The following PPFIBP1 variants were observed in gnomAD, a reference collection of about 807,000 sequenced individuals.
PPFIBP1 encodes the protein PPFIB scaffold protein 1, also known as liprin-beta-1.
Under a neutral mutation model 137.8 loss-of-function variants are expected in PPFIBP1, and 112 were observed. That is an observed-to-expected ratio of 0.81 (90% CI 0.70 to 0.95). PPFIBP1 has a LOEUF of 0.95. Ranked by LOEUF, PPFIBP1 falls within the 40% of genes least tolerant of loss-of-function variation. PPFIBP1 has a pLI of 0.00. For missense variants in PPFIBP1, 1,083 were observed against 1,196.6 expected (o/e 0.91, Z 1.40); for synonymous variants, 378 against 417.3 (o/e 0.91, Z 1.15).
intron 1 of PPFIBP1, among the ~76,000 whole-genome samples, chr12:27,541,077 G>A (rs1945600865): frequency 6.6e-6 from 1 of 152,066 alleles, no homozygotes. Context: ...ACTTTCCTCT[G>A]TCTATACTAA....
intron 14 of PPFIBP1, among the ~76,000 whole-genome samples, chr12:27,671,765 G>T (rs572157751): frequency 7.2e-5 from 11 of 152,282 alleles, no homozygotes; most frequent in African/African-American, 2.4e-4. Context: ...GGGTTGTCAG[G>T]TTAGAAAGAG....
intron 1 of PPFIBP1, among the ~76,000 whole-genome samples, chr12:27,558,481 C>CAA (rs2048886348): frequency 8.9e-6 from 1 of 112,730 alleles, no homozygotes; most frequent in African/African-American, 3.6e-5. Context: ...CACACACACA[C>CAA]ACACACACAC....
At position 27,607,745 on chromosome 12, in the gene PPFIBP1, A is replaced by G. The variant is rs992922582; in HGVS notation, c.-35-25617A>G. ...CAAATTGTTGCGGCAAGAATGGGGA[A>G]GCGATGATTATCAGGGTGTGACCTT... On this transcript the variant is annotated intron_variant, in intron 2 of 29. Transcript: ENST00000228425. Among the ~76,000 whole-genome samples the G allele has an allele frequency of 7.1e-4, 108 of 152,286 alleles. 1 individual carries two copies. Among genetic ancestry groups the G allele is most frequent in the African/African-American group, 2.5e-3 (104 of 41,556 alleles).
At chr12:27,673,580 A>G (rs1388001900) in intron 15 of PPFIBP1, among the ~76,000 whole-genome samples, 187 bp from the exon 16 acceptor site, 1 of 152,108 alleles carries the variant, frequency 6.6e-6, no homozygotes, top group Non-Finnish European at 1.5e-5. Context: ...ACAGTTAATC[A>G]CCCCTGCTTT....
chr12:27,620,983 T>C (rs186292835), intron 2 of PPFIBP1, among the ~76,000 whole-genome samples: 1 of 152,368 alleles, frequency 6.6e-6, no homozygotes, highest in Admixed American at 6.5e-5. Flanking sequence ...TCTTTCTTTT[T>C]CTTCACTACT....
chr12:27,663,764 C>A (rs2059687191), intron 11 of PPFIBP1, among the ~76,000 whole-genome samples: 1 of 151,440 alleles, frequency 6.6e-6, no homozygotes, highest in Non-Finnish European at 1.5e-5. Flanking sequence ...GACTTGAGCC[C>A]AGGAGGTTGA....
intron 2 of PPFIBP1, among the ~76,000 whole-genome samples, chr12:27,603,324 A>T (rs185285325): frequency 3.0e-4 from 46 of 152,258 alleles, no homozygotes; most frequent in Non-Finnish European, 5.3e-4. Context: ...ATGATTATAT[A>T]TGTGGGATGT....
chr12:27,575,433 C>G (rs1332774658), intron 1 of PPFIBP1, among the ~76,000 whole-genome samples: 3 of 152,102 alleles, frequency 2.0e-5, no homozygotes, highest in African/African-American at 7.2e-5. Flanking sequence ...ACATGTTAGT[C>G]TCATGATGGT....
intron 8 of PPFIBP1, chr12:27,655,252 G>T (rs1181967414): frequency 6.8e-7 from 1 of 1,476,230 alleles, no homozygotes; most frequent in East Asian, 2.5e-5. Context: ...TAGACGTTGG[G>T]TGATGGGGTC....
At position 27,620,060 on chromosome 12, in the gene PPFIBP1, A is replaced by G. The variant is rs533051559; in HGVS notation, c.-35-13302A>G. Among the ~76,000 whole-genome samples the G allele has an allele frequency of 9.2e-5, 14 of 152,004 alleles. No homozygotes were observed. The East Asian group carries it at 2.7e-3, about 29-fold the overall frequency. On this transcript the variant is annotated intron_variant, in intron 2 of 29. Coordinates refer to ENST00000228425, the MANE Select transcript of PPFIBP1 (RefSeq NM_003622.4). ...TCCCATCACCATCTCTACTGCTCAC[A>G]CCCTGACCCGAGCCACCAATAGAAC...
intron 2 of PPFIBP1, among the ~76,000 whole-genome samples, chr12:27,583,336 T>G (rs753261415): frequency 6.6e-6 from 1 of 152,218 alleles, no homozygotes; most frequent in Non-Finnish European, 1.5e-5. Flanking sequence ...GGAAGCTAGC[T>G]TCCAATACAT....
intron 2 of PPFIBP1, among the ~76,000 whole-genome samples, chr12:27,632,606 G>A (rs1341976073): frequency 1.3e-5 from 2 of 152,204 alleles, no homozygotes; most frequent in African/African-American, 4.8e-5. Context: ...CAGAAATTAT[G>A]TATTATAGTG....
chr12:27,679,280 G>T (rs1389103674), intron 19 of PPFIBP1, among the ~76,000 whole-genome samples: 1 of 152,146 alleles, frequency 6.6e-6, no homozygotes, highest in African/African-American at 2.4e-5. Flanking sequence ...AATCTCCAAA[G>T]GGCTTGTAAT....
intron 1 of PPFIBP1, among the ~76,000 whole-genome samples, chr12:27,528,600 T>G (rs1181715172): frequency 6.6e-6 from 1 of 152,210 alleles, no homozygotes; most frequent in African/African-American, 2.4e-5. Flanking sequence ...TTTTACACCC[T>G]TCATTTTAGA....
intron 26 of PPFIBP1, 62 bp from the exon 27 acceptor site, chr12:27,688,953 C>T: frequency 6.5e-7 from 1 of 1,528,876 alleles, no homozygotes; most frequent in Non-Finnish European, 8.8e-7. Context: ...TTATAAAGCA[C>T]AATACAAACA....
chr12:27,574,406 C>T (rs1324170173), intron 1 of PPFIBP1, among the ~76,000 whole-genome samples: 1 of 152,086 alleles, frequency 6.6e-6, no homozygotes, highest in African/African-American at 2.4e-5. Context: ...TTCTGAAGGG[C>T]CTGAACTTCC....
chr12:27,541,626 C>A (rs1318601539), intron 1 of PPFIBP1, among the ~76,000 whole-genome samples: 2 of 152,186 alleles, frequency 1.3e-5, no homozygotes, highest in African/African-American at 4.8e-5. Flanking sequence ...GAGCCCACAG[C>A]CCTATTGCAG....
chr12:27,582,810 C>T (rs2051278569), intron 2 of PPFIBP1, among the ~76,000 whole-genome samples: 4 of 152,228 alleles, frequency 2.6e-5, no homozygotes, highest in Admixed American at 6.5e-5. Flanking sequence ...CTGAGAGTTT[C>T]TTGTGACTAT....
chr12:27,670,037 T>C (rs1260553222), intron 13 of PPFIBP1, among the ~76,000 whole-genome samples: 3 of 152,180 alleles, frequency 2.0e-5, no homozygotes, highest in Non-Finnish European at 2.9e-5. Flanking sequence ...TTCACTGGTG[T>C]GAGTCTTTAT....
Sources: gnomAD v4.1 joint callset for allele counts (sites outside exome capture counted in the v4.1 genomes callset) on GRCh38, gnomAD v4.1.1 for gene constraint, MANE v1.5 for transcripts, NCBI Gene and HGNC (gene_info 2026-07-23, HGNC 2026-07-21) for gene names.